Variants in PTPRD observed in about 807,000 individuals in gnomAD.
The protein encoded by PTPRD is receptor-type tyrosine-protein phosphatase delta.
In PTPRD, 34 loss-of-function variants were observed where a neutral mutation model predicts 214.5. The ratio of observed to expected loss-of-function variants is 0.16; its 90% CI spans 0.12 to 0.21. The LOEUF is 0.21. PTPRD is among the 10% of genes least tolerant of loss of function. PTPRD has a pLI of 1.00. For synonymous variants in PTPRD, 1,128 were observed against 845.7 expected, an observed-to-expected ratio of 1.33 and a Z score of -5.79; for missense variants, 2,545 against 2,398.7, an observed-to-expected ratio of 1.06 and a Z score of -1.27.
At chr9:9,597,842 A>G (rs1419845617) in intron 7 of PTPRD, among the ~76,000 whole-genome samples, 1 of 152,082 alleles carries the variant, frequency 6.6e-6, no homozygotes, top group Admixed American at 6.6e-5. Context: ...AAATAATAAG[A>G]TGTTAAATAA....
chr9:10,221,321 A>T (rs539242543), intron 3 of PTPRD, among the ~76,000 whole-genome samples: 13 of 152,164 alleles, frequency 8.5e-5, no homozygotes, highest in African/African-American at 3.1e-4. Flanking sequence ...GCAAACACAG[A>T]CACACACCTC....
intron 9 of PTPRD, among the ~76,000 whole-genome samples, chr9:9,206,566 C>A (rs1004549583): frequency 6.6e-6 from 1 of 152,002 alleles, no homozygotes; most frequent in Admixed American, 6.6e-5. Flanking sequence ...GCAGACTCAC[C>A]CTCAATGTGG....
chr9:10,068,217 G>A (rs2097918909), intron 3 of PTPRD, among the ~76,000 whole-genome samples: 1 of 151,870 alleles, frequency 6.6e-6, no homozygotes, highest in Non-Finnish European at 1.5e-5. Context: ...ATTGATCTGA[G>A]CTTACATTCC....
intron 3 of PTPRD, among the ~76,000 whole-genome samples, chr9:10,156,797 C>A (rs189492274): frequency 6.6e-6 from 1 of 152,120 alleles, no homozygotes. Context: ...TAAGAACTTG[C>A]TTTATGAATC....
chr9:9,597,131 T>C (rs1238880855), intron 7 of PTPRD, among the ~76,000 whole-genome samples: 9 of 151,956 alleles, frequency 5.9e-5, no homozygotes, highest in African/African-American at 2.2e-4. Context: ...AACATCTTCC[T>C]GCTCTCCAAC....
intron 2 of PTPRD, among the ~76,000 whole-genome samples, chr9:10,461,295 A>G (rs778270876): frequency 1.6e-5 from 2 of 128,596 alleles, no homozygotes; most frequent in South Asian, 2.6e-4. Flanking sequence ...TGGTGCAGGC[A>G]TTATGGGAAA....
At position 9,154,232 on chromosome 9, in the gene PTPRD, T is replaced by C. The variant is rs192524180; in HGVS notation, c.-143+29072A>G. Among the ~76,000 whole-genome samples, 7 of 152,318 alleles carry C rather than the reference T, an allele frequency of 4.6e-5. No homozygotes were observed. In the East Asian group the frequency reaches 1.4e-3, roughly 29 times the overall value. ...CTTGTGAATGAGAAAAAAATATGTT[T>C]ATAGTAATAAGCTGAGATTCTGTGG... is the stretch of plus-strand genomic sequence containing the variant. On this transcript the variant is annotated intron_variant, in intron 10 of 45. Transcript: ENST00000381196.
chr9:9,048,904 T>A (rs2099679046), intron 10 of PTPRD, among the ~76,000 whole-genome samples: 2 of 152,168 alleles, frequency 1.3e-5, no homozygotes, highest in Admixed American at 1.3e-4. Flanking sequence ...CATGTCTGTA[T>A]CAAAACATCT....
At chr9:10,513,163 G>C (rs373379849) in intron 2 of PTPRD, among the ~76,000 whole-genome samples, 21 of 151,364 alleles carry the variant, frequency 1.4e-4, no homozygotes, top group East Asian at 9.7e-4. Context: ...TTATTATTTG[G>C]TTTTATGATT....
At chr9:9,038,511 G>C (rs551012480) in intron 10 of PTPRD, among the ~76,000 whole-genome samples, 7 of 151,364 alleles carry the variant, frequency 4.6e-5, no homozygotes, top group African/African-American at 1.7e-4. Flanking sequence ...TTCACTTTAA[G>C]TGGGGGGCTA....
intron 4 of PTPRD, among the ~76,000 whole-genome samples, chr9:9,957,924 T>C (rs898280439): frequency 6.6e-6 from 1 of 151,594 alleles, no homozygotes; most frequent in Non-Finnish European, 1.5e-5. Context: ...CAGACCCACA[T>C]CAATACAGTC....
chr9:9,533,718 C>T (rs2075967372), intron 8 of PTPRD, among the ~76,000 whole-genome samples: 1 of 151,864 alleles, frequency 6.6e-6, no homozygotes, highest in Non-Finnish European at 1.5e-5. Context: ...ATGATGATCT[C>T]TCAGTCACTA....
chr9:9,122,469 C>T (rs763596654), intron 10 of PTPRD, among the ~76,000 whole-genome samples: 1 of 152,066 alleles, frequency 6.6e-6, no homozygotes, highest in Non-Finnish European at 1.5e-5. Context: ...AATCTGAAAA[C>T]CATCAGAAGG....
chr9:8,727,912 T>A (rs564707877), intron 12 of PTPRD, among the ~76,000 whole-genome samples: 1 of 152,324 alleles, frequency 6.6e-6, no homozygotes, highest in Admixed American at 6.5e-5. Context: ...GTATTTAGTA[T>A]ATTATGTTTA....
chr9:8,486,265 C>G lies in PTPRD; in HGVS notation c.2552G>C (p.Gly851Ala), dbSNP rs143196383. ...IQWHPPVDTFGPLQGYRLKFG... is the reference protein window; with the variant it reads ...IQWHPPVDTFAPLQGYRLKFG... ...TTTTAGACGGTAGCCCTGAAGAGGT[C>G]CAAATGTGTCCACCGGAGGGTGCCA... Residue 851 changes from glycine (G) to alanine (A), a missense_variant, in exon 28 of 46, where the codon GGA becomes GCA. By Grantham distance (60) the Gly-to-Ala change is moderately conservative (BLOSUM62 0). Transcript: ENST00000381196. The G allele has an allele frequency of 1.2e-6, 2 of 1,614,040 alleles. No homozygotes were observed. Among genetic ancestry groups the G allele is most frequent in the Non-Finnish European group, 1.7e-6 (2 of 1,180,030 alleles).
chr9:9,322,023 A>T (rs1434796310), intron 9 of PTPRD, among the ~76,000 whole-genome samples: 1 of 152,180 alleles, frequency 6.6e-6, no homozygotes, highest in Non-Finnish European at 1.5e-5. Context: ...GCCATAAATA[A>T]TTAGCAAATC....
chr9:10,382,243 T>C (rs952680462), intron 2 of PTPRD, among the ~76,000 whole-genome samples: 5 of 152,016 alleles, frequency 3.3e-5, no homozygotes, highest in African/African-American at 1.2e-4. Context: ...ATTTCTAATA[T>C]AGGCATTTAA....
rs928663989 is a variant in PTPRD, at chr9:9,134,058, C to CTTTTTTTT, written c.-143+49238_-143+49245dup. 7.0e-4 allele frequency among the ~76,000 whole-genome samples: 53 copies of CTTTTTTTT among 75,446 alleles called. 2 individuals carry two copies. Among genetic ancestry groups the CTTTTTTTT allele is most frequent in the East Asian group, 3.5e-3 (8 of 2,270 alleles). The allele number at this position is 75,446 out of a possible 152,430, so 49.5% of individuals were successfully genotyped here. A position where few individuals can be genotyped will look rare whatever the true frequency, so the allele number is the denominator to read the frequency against. ...TTCCAATAGTTCATATAGAATCATT[C>CTTTTTTTT]TTTTTTTTTTTTTTTTTTTTTTTTT... On this transcript the variant is annotated intron_variant, in intron 10 of 45. Coordinates refer to ENST00000381196, the MANE Select transcript of PTPRD (RefSeq NM_002839.4).
chr9:10,279,902 CT>C (rs141236559), intron 3 of PTPRD, among the ~76,000 whole-genome samples: 10,201 of 152,114 alleles, frequency 0.067, 784 homozygotes, highest in Admixed American at 0.17. Context: ...AAATTCTTAT[CT>C]TTTAACTAGT....
Sources: gnomAD v4.1 joint callset for allele counts (sites outside exome capture counted in the v4.1 genomes callset) on GRCh38, gnomAD v4.1.1 for gene constraint, MANE v1.5 for transcripts, NCBI Gene and HGNC (gene_info 2026-07-23, HGNC 2026-07-21) for gene names.